Variants in MAP3K20 observed in about 807,000 individuals in gnomAD.
The protein encoded by MAP3K20 is HCCS-4.
MAP3K20 carries 40 observed loss-of-function variants against 85.7 expected under a neutral mutation model. That is an observed-to-expected ratio of 0.47 (90% confidence interval 0.36 to 0.61). The LOEUF (loss-of-function observed/expected upper bound fraction) is 0.61. Among genes scored for constraint, MAP3K20 ranks in the 20% least tolerant of loss-of-function variants. The pLI is 0.00. For synonymous variants in MAP3K20, 325 were observed against 327.7 expected, an observed-to-expected ratio of 0.99 and a Z score of 0.09; for missense variants, 817 against 961.7, an observed-to-expected ratio of 0.85 and a Z score of 1.99.
intron 19 of MAP3K20, among the ~76,000 whole-genome samples, chr2:173,264,697 G>T (rs1685372726): frequency 6.9e-6 from 1 of 145,592 alleles, no homozygotes; most frequent in African/African-American, 2.8e-5. Context: ...GCAAAATCAG[G>T]GTTCTATTGG....
intron 2 of MAP3K20, among the ~76,000 whole-genome samples, chr2:173,113,517 G>A (rs1201088317): frequency 6.6e-6 from 1 of 151,994 alleles, no homozygotes; most frequent in South Asian, 2.1e-4. Flanking sequence ...AGTCTTTGAT[G>A]TAGGCATTTA....
At chr2:173,225,207 T>C (rs999881004) in intron 11 of MAP3K20, 5 of 946,756 alleles carry the variant, frequency 5.3e-6, no homozygotes, top group Non-Finnish European at 6.3e-6. Context: ...GGGCACATTT[T>C]TGGTTGTCAC....
At chr2:173,148,643 C>T (rs1689206441) in intron 2 of MAP3K20, among the ~76,000 whole-genome samples, 1 of 152,180 alleles carries the variant, frequency 6.6e-6, no homozygotes, top group Non-Finnish European at 1.5e-5. Context: ...CCCTTCCCTG[C>T]CTCCTTCCAC....
intron 2 of MAP3K20, among the ~76,000 whole-genome samples, chr2:173,133,880 A>T (rs1469695808): frequency 6.6e-6 from 1 of 151,578 alleles, no homozygotes; most frequent in Non-Finnish European, 1.5e-5. Context: ...AGTCCCAGCT[A>T]CTTGGGAGGC....
intron 2 of MAP3K20, among the ~76,000 whole-genome samples, chr2:173,092,706 T>C (rs1687334778): frequency 6.6e-6 from 1 of 152,238 alleles, no homozygotes; most frequent in South Asian, 2.1e-4. Context: ...TCTTATATGA[T>C]TGTTCGATGT....
intron 8 of MAP3K20, among the ~76,000 whole-genome samples, chr2:173,202,577 C>CAACT (rs1304038187): frequency 6.6e-6 from 1 of 152,134 alleles, no homozygotes; most frequent in African/African-American, 2.4e-5. Context: ...AAAGGTAACA[C>CAACT]AACTACCTAC....
chr2:173,232,970 G>A (rs1014158004), intron 14 of MAP3K20, among the ~76,000 whole-genome samples: 2 of 152,132 alleles, frequency 1.3e-5, no homozygotes, highest in Non-Finnish European at 2.9e-5. Context: ...AATCCAAACA[G>A]CAAAAAGGTG....
chr2:173,110,863 GT>G (rs1227509554), intron 2 of MAP3K20, among the ~76,000 whole-genome samples: 1 of 152,128 alleles, frequency 6.6e-6, no homozygotes, highest in African/African-American at 2.4e-5. Flanking sequence ...TTTTGCAATT[GT>G]TTTTGACCCA....
At chr2:173,142,330 G>A (rs750883240) in intron 2 of MAP3K20, among the ~76,000 whole-genome samples, 1 of 152,054 alleles carries the variant, frequency 6.6e-6, no homozygotes, top group Non-Finnish European at 1.5e-5. Context: ...AAATAAGCCC[G>A]GCGTGGTGGT....
chr2:173,084,092 T>C (rs1302454830), intron 1 of MAP3K20, among the ~76,000 whole-genome samples: 1 of 152,186 alleles, frequency 6.6e-6, no homozygotes, highest in Non-Finnish European at 1.5e-5. Context: ...AAGTAGGTTT[T>C]TATTTTTACT....
intron 2 of MAP3K20, among the ~76,000 whole-genome samples, chr2:173,126,760 G>T (rs1688456906): frequency 6.6e-6 from 1 of 152,176 alleles, no homozygotes; most frequent in Non-Finnish European, 1.5e-5. Context: ...AGAACTGCTT[G>T]GACTGCAGAA....
At chr2:173,126,384 T>C (rs1308696995) in intron 2 of MAP3K20, among the ~76,000 whole-genome samples, 1 of 152,062 alleles carries the variant, frequency 6.6e-6, no homozygotes, top group African/African-American at 2.4e-5. Flanking sequence ...TTCTTTCTTT[T>C]TGTTTTTGTT....
At chr2:173,242,165 C>A (rs1684796768) in intron 16 of MAP3K20, among the ~76,000 whole-genome samples, 1 of 148,582 alleles carries the variant, frequency 6.7e-6, no homozygotes, top group South Asian at 2.1e-4. Flanking sequence ...AGATCTCAAC[C>A]AAGAAAAAAA....
chr2:173,103,131 T>A (rs1574014926), intron 2 of MAP3K20, among the ~76,000 whole-genome samples: 1 of 152,192 alleles, frequency 6.6e-6, no homozygotes, highest in African/African-American at 2.4e-5. Context: ...TTTTAAAATA[T>A]AATACAAAGT....
rs1394893602 is a variant in MAP3K20 at position 173,198,860 on chromosome 2, G to C, written c.669+748G>C. 2.0e-5 allele frequency: 3 copies of C among 152,560 alleles called. No individual in the cohort carries two copies. Among genetic ancestry groups the C allele is most frequent in the Non-Finnish European group, 2.9e-5 (2 of 68,026 alleles). 9.5% of individuals were successfully genotyped at this position (152,560 alleles called of 1,614,324 possible). A position where few individuals can be genotyped will look rare whatever the true frequency, so the allele number is the denominator to read the frequency against. ...GAACATGGTACATTCATATCAAAGAGAGCAACTACATTTTGAAAGGTTTAA... is the reference window on the plus strand; with the variant it reads ...GAACATGGTACATTCATATCAAAGACAGCAACTACATTTTGAAAGGTTTAA... On this transcript the variant is annotated intron_variant, in intron 8 of 19. Transcript: ENST00000375213. This position sits in a 1 kb window ranked among gnomAD's most constrained non-coding sequence, Gnocchi z 5.8.
intron 2 of MAP3K20, among the ~76,000 whole-genome samples, chr2:173,098,754 A>C (rs1434290637): frequency 6.6e-6 from 1 of 152,152 alleles, no homozygotes; most frequent in Non-Finnish European, 1.5e-5. Context: ...ATCTCATATA[A>C]AATTTTTCTC....
At chr2:173,225,238 C>G in intron 11 of MAP3K20, 1 of 638,544 alleles carries the variant, frequency 1.6e-6, no homozygotes, top group Non-Finnish European at 1.9e-6. Flanking sequence ...GTGGCATTTG[C>G]TGCCCAGTGC....
At chr2:173,173,859 G>A (rs3769177) in intron 3 of MAP3K20, among the ~76,000 whole-genome samples, 52 of 152,054 alleles carry the variant, frequency 3.4e-4, no homozygotes, top group African/African-American at 1.2e-3. Context: ...TATTATCACC[G>A]TAAAACTCAA....
intron 2 of MAP3K20, among the ~76,000 whole-genome samples, chr2:173,159,402 CT>C (rs67029113): frequency 3.0e-4 from 37 of 123,238 alleles, no homozygotes; most frequent in East Asian, 2.5e-3. Context: ...TTCCTTCCTT[CT>C]TTTTTTTTTT....
Sources: gnomAD v4.1 joint callset for allele counts (sites outside exome capture counted in the v4.1 genomes callset) on GRCh38, gnomAD v4.1.1 for gene constraint, Gnocchi (gnomAD v3.1) non-coding constraint, MANE v1.5 for transcripts, NCBI Gene and HGNC (gene_info 2026-07-23, HGNC 2026-07-21) for gene names.